Variants in WWOX observed in about 807,000 individuals in gnomAD.
WWOX encodes the protein WW domain containing oxidoreductase.
A neutral mutation model predicts 46.2 loss-of-function variants in WWOX; 69 were observed. That is an observed-to-expected ratio of 1.49 (90% CI 1.23 to 1.82). WWOX has a LOEUF of 1.82. Among genes scored for constraint, WWOX ranks in the 40% most tolerant of loss-of-function variants. WWOX has a pLI of 0.00. For synonymous variants in WWOX, 359 were observed against 202.6 expected, an observed-to-expected ratio of 1.77 and a Z score of -6.56; for missense variants, 919 against 542.6, an observed-to-expected ratio of 1.69 and a Z score of -6.89.
chr16:79,194,435 T>A (rs2051197624), intron 8 of WWOX, among the ~76,000 whole-genome samples: 1 of 152,140 alleles, frequency 6.6e-6, no homozygotes, highest in African/African-American at 2.4e-5. Context: ...GAAATATAGA[T>A]GGACTGTGAA....
intron 8 of WWOX, among the ~76,000 whole-genome samples, chr16:78,482,569 C>G (rs1046242008): frequency 6.6e-6 from 1 of 152,188 alleles, no homozygotes; most frequent in Non-Finnish European, 1.5e-5. Flanking sequence ...TTATTGAATA[C>G]TTACTGGGCC....
At chr16:78,397,317 A>G (rs956739693) in intron 6 of WWOX, among the ~76,000 whole-genome samples, 2 of 152,182 alleles carry the variant, frequency 1.3e-5, no homozygotes, top group Admixed American at 1.3e-4. Context: ...TTTATCAGCT[A>G]TTTATCATGT....
chr16:78,648,796 C>CA (rs1281011027), intron 8 of WWOX, among the ~76,000 whole-genome samples: 82 of 152,164 alleles, frequency 5.4e-4, no homozygotes, highest in Non-Finnish European at 9.7e-4. Flanking sequence ...CTGCCAAACA[C>CA]AACTGATGGT....
intron 8 of WWOX, among the ~76,000 whole-genome samples, chr16:78,727,068 C>G (rs529808572): frequency 7.9e-5 from 12 of 152,146 alleles, no homozygotes; most frequent in Non-Finnish European, 1.8e-4. Context: ...TCCCAGTGCC[C>G]TTGGCAGACC....
chr16:78,464,680 C>T (rs1053906696), intron 8 of WWOX, among the ~76,000 whole-genome samples: 6 of 152,098 alleles, frequency 3.9e-5, no homozygotes, highest in East Asian at 3.9e-4. Context: ...TCATTTCTTA[C>T]GTTGCCCCCA....
At chr16:78,720,292 C>T (rs1239713108) in intron 8 of WWOX, among the ~76,000 whole-genome samples, 1 of 146,150 alleles carries the variant, frequency 6.8e-6, no homozygotes, top group Admixed American at 6.7e-5. Context: ...TCATCTGAAC[C>T]TGACGGTTAT....
intron 8 of WWOX, among the ~76,000 whole-genome samples, chr16:79,035,372 C>T (rs1462813769): frequency 6.6e-6 from 1 of 152,114 alleles, no homozygotes; most frequent in African/African-American, 2.4e-5. Flanking sequence ...GAACAAAAGG[C>T]CAACCCCATT....
chr16:79,056,330 T>C (rs1268971597), intron 8 of WWOX, among the ~76,000 whole-genome samples: 1 of 152,212 alleles, frequency 6.6e-6, no homozygotes, highest in Non-Finnish European at 1.5e-5. Context: ...CATGACAATT[T>C]GTACATTCTT....
intron 8 of WWOX, among the ~76,000 whole-genome samples, chr16:78,962,318 TTTTTTTTTA>T (rs1322262616): frequency 3.2e-5 from 3 of 94,244 alleles, no homozygotes; most frequent in African/African-American, 1.3e-4. Flanking sequence ...TTTTTTTTTT[TTTTTTTTTA>T]AAAAAAAAAA....
chr16:78,791,221 C>T (rs1393449236), intron 8 of WWOX, among the ~76,000 whole-genome samples: 1 of 151,928 alleles, frequency 6.6e-6, no homozygotes, highest in Non-Finnish European at 1.5e-5. Flanking sequence ...GACAGGGCGG[C>T]CTCATGAACT....
chr16:79,145,932 T>C (rs1344704510), intron 8 of WWOX, among the ~76,000 whole-genome samples: 1 of 152,230 alleles, frequency 6.6e-6, no homozygotes, highest in Non-Finnish European at 1.5e-5. Flanking sequence ...AGGAATTTTT[T>C]GAAAGTCACC....
At chr16:78,148,017 A>G (rs2034267739) in intron 4 of WWOX, among the ~76,000 whole-genome samples, 1 of 152,078 alleles carries the variant, frequency 6.6e-6, no homozygotes, top group African/African-American at 2.4e-5. Context: ...TGTCTCGAGC[A>G]GACGAGAAAG....
chr16:78,521,680 T>C lies in WWOX; in HGVS notation c.1056+88928T>C, dbSNP rs149900319. ...TTCCCAGTCTAGTTCACAGGTGTTA[T>C]CAAGATGGTTACCTTTCTAAGTGTC... On this transcript the variant is annotated intron_variant, in intron 8 of 8. Coordinates refer to ENST00000566780, the MANE Select transcript of WWOX (RefSeq NM_016373.4). 7.9e-4 allele frequency among the ~76,000 whole-genome samples: 121 copies of C among 152,342 alleles called. 1 individual carries two copies. The East Asian group carries it at 0.022, about 27-fold the overall frequency.
chr16:78,807,883 G>A (rs761360409), intron 8 of WWOX, among the ~76,000 whole-genome samples: 12 of 152,326 alleles, frequency 7.9e-5, no homozygotes, highest in Non-Finnish European at 1.5e-4. Context: ...CTCATTTCAA[G>A]TGCTCAGTAG....
chr16:79,200,858 C>G (rs9929834), intron 8 of WWOX, among the ~76,000 whole-genome samples: 1 of 152,112 alleles, frequency 6.6e-6, no homozygotes, highest in Non-Finnish European at 1.5e-5. Context: ...AGTCTCTATA[C>G]GGCAGGCCCA....
intron 8 of WWOX, among the ~76,000 whole-genome samples, chr16:78,633,702 G>C (rs1362383534): frequency 1.3e-5 from 2 of 152,182 alleles, no homozygotes; most frequent in Non-Finnish European, 2.9e-5. Flanking sequence ...GCTTCGCTGT[G>C]AAGTGCAAAG....
At chr16:78,285,671 T>C (rs1385119102) in intron 5 of WWOX, among the ~76,000 whole-genome samples, 2 of 152,178 alleles carry the variant, frequency 1.3e-5, no homozygotes, top group African/African-American at 4.8e-5. Context: ...TGACGGACTC[T>C]CGGATGCTTG....
intron 8 of WWOX, among the ~76,000 whole-genome samples, chr16:78,720,358 T>C (rs998565020): frequency 2.0e-5 from 3 of 152,208 alleles, no homozygotes; most frequent in Admixed American, 6.5e-5. Flanking sequence ...TATTTTTCTT[T>C]CTTTTCACAA....
intron 4 of WWOX, among the ~76,000 whole-genome samples, chr16:78,150,458 A>C (rs2034364616): frequency 6.6e-6 from 1 of 152,092 alleles, no homozygotes; most frequent in South Asian, 2.1e-4. Context: ...GGCTCATTAC[A>C]GCCAGGACCT....
Sources: gnomAD v4.1 joint callset for allele counts (sites outside exome capture counted in the v4.1 genomes callset) on GRCh38, gnomAD v4.1.1 for gene constraint, MANE v1.5 for transcripts, NCBI Gene and HGNC (gene_info 2026-07-23, HGNC 2026-07-21) for gene names.